SIMC1: variants seen among roughly 807,000 people sequenced by gnomAD.
The protein encoded by SIMC1 is SUMO interacting motifs containing 1.
A neutral mutation model predicts 82.3 loss-of-function variants in SIMC1; 55 were observed. That is an observed-to-expected ratio of 0.67 (90% CI 0.54 to 0.84). SIMC1 has a LOEUF of 0.84. Ranked by LOEUF, SIMC1 falls within the 40% of genes least tolerant of loss-of-function variation. The pLI is 0.00. For synonymous variants in SIMC1, 353 were observed against 426.3 expected, an observed-to-expected ratio of 0.83 and a Z score of 2.12; for missense variants, 915 against 1,107.2, an observed-to-expected ratio of 0.83 and a Z score of 2.46.
chr5:176,263,633 T>A, intron 1 of SIMC1: 1 of 1,182,738 alleles, frequency 8.5e-7, no homozygotes, highest in Non-Finnish European at 1.1e-6. Context: ...TCCCCATGAT[T>A]CCACCAGGTC....
At chr5:176,288,982 TTACAC>T (rs1763425391) in intron 1 of SIMC1, among the ~76,000 whole-genome samples, 2 of 152,366 alleles carry the variant, frequency 1.3e-5, no homozygotes, top group South Asian at 4.1e-4. Context: ...GGGCTCAGAC[TTACAC>T]TATTGGTTTT....
At chr5:176,339,747 G>A (rs1766050129) in intron 9 of SIMC1, among the ~76,000 whole-genome samples, 1 of 152,214 alleles carries the variant, frequency 6.6e-6, no homozygotes, top group Admixed American at 6.5e-5. Context: ...TAAATGGGGT[G>A]TGTTGCAGTG....
At chr5:176,301,778 CAA>C (rs528674679) in intron 4 of SIMC1, among the ~76,000 whole-genome samples, 29 of 98,434 alleles carry the variant, frequency 2.9e-4, no homozygotes, top group Admixed American at 5.2e-4. Flanking sequence ...GACTCTGTCT[CAA>C]AAAAAAAAAA....
intron 5 of SIMC1, among the ~76,000 whole-genome samples, chr5:176,320,347 A>G (rs1328405003): frequency 7.1e-6 from 1 of 141,772 alleles, no homozygotes; most frequent in Middle Eastern, 3.6e-3. Flanking sequence ...TTATTTATTT[A>G]TTTATTTATT....
At chr5:176,312,390 G>A (rs752675821) in intron 4 of SIMC1, among the ~76,000 whole-genome samples, 9 of 152,016 alleles carry the variant, frequency 5.9e-5, no homozygotes, top group Non-Finnish European at 1.0e-4. Flanking sequence ...ACAAAAATTA[G>A]CCAGGCCTGG....
At chr5:176,272,450 T>C (rs953135635) in intron 1 of SIMC1, among the ~76,000 whole-genome samples, 3 of 150,306 alleles carry the variant, frequency 2.0e-5, no homozygotes, top group Non-Finnish European at 4.4e-5. Flanking sequence ...TATATAGAAA[T>C]GTATATCGAA....
chr5:176,309,111 C>T lies in SIMC1; in HGVS notation c.1735-4580C>T. ...GAAAAACTTGGAGGACTCACATTAC[C>T]TGACTTCAAGACTTACTATAAAGCT... On this transcript the variant is annotated intron_variant, in intron 4 of 9. Transcript: ENST00000429602. 7.6e-6 allele frequency: 5 copies of T among 658,728 alleles called. No individual in the cohort carries two copies. The South Asian group carries it at 9.3e-5, about 12-fold the overall frequency. 40.8% of individuals were successfully genotyped at this position (658,728 alleles called of 1,614,324 possible).
At chr5:176,323,640 T>C (rs1267069918) in intron 6 of SIMC1, among the ~76,000 whole-genome samples, 2 of 152,196 alleles carry the variant, frequency 1.3e-5, no homozygotes, top group African/African-American at 4.8e-5. Flanking sequence ...CTGGCCCACC[T>C]GTTGTGTTAC....
chr5:176,299,780 CCATAGA>C (rs151275216), intron 4 of SIMC1, among the ~76,000 whole-genome samples: 2,140 of 152,242 alleles, frequency 0.014, 49 homozygotes, highest in African/African-American at 0.049. Context: ...GGCCACTTAA[CCATAGA>C]CATACACAGA....
chr5:176,297,981 A>T (rs1022058388), intron 4 of SIMC1, among the ~76,000 whole-genome samples: 1 of 152,300 alleles, frequency 6.6e-6, no homozygotes, highest in African/African-American at 2.4e-5. Flanking sequence ...TTTAAATAGG[A>T]ACAATCTGGG....
intron 7 of SIMC1, among the ~76,000 whole-genome samples, chr5:176,326,804 A>G (rs1250346622): frequency 6.6e-6 from 1 of 152,148 alleles, no homozygotes; most frequent in Non-Finnish European, 1.5e-5. Context: ...ACCTCAGGTG[A>G]TCTGCCCACC....
chr5:176,311,491 C>T (rs1013182606), intron 4 of SIMC1, among the ~76,000 whole-genome samples: 1 of 151,984 alleles, frequency 6.6e-6, no homozygotes, highest in South Asian at 2.1e-4. Context: ...GATCCTCCCA[C>T]CTCAGCCTCC....
chr5:176,304,027 G>C (rs917255646), intron 4 of SIMC1, among the ~76,000 whole-genome samples: 1 of 152,048 alleles, frequency 6.6e-6, no homozygotes, highest in Non-Finnish European at 1.5e-5. Context: ...CATAAACACA[G>C]GCAGCAAAAA....
chr5:176,319,551 C>A (rs1352172596), intron 5 of SIMC1, among the ~76,000 whole-genome samples: 1 of 151,990 alleles, frequency 6.6e-6, no homozygotes, highest in Non-Finnish European at 1.5e-5. Flanking sequence ...ATAGGCTGGG[C>A]ACAGTGGCTC....
Position 176,290,177 on chromosome 5 carries a change from C to A in SIMC1, c.653C>A (p.Ala218Asp). 1.2e-6 allele frequency: 2 copies of A among 1,612,022 alleles called. No homozygotes were observed. Among genetic ancestry groups the A allele is most frequent in the African/African-American group, 1.3e-5 (1 of 74,978 alleles). The change falls in exon 2 of 10, where the codon GCC (alanine) becomes GAC (aspartate). Residue 218 changes from alanine to aspartate, a missense_variant. Physicochemically the swap from Ala to Asp is moderately radical, Grantham distance 126 (BLOSUM62 -2). This residue lies in a region of SIMC1 where 902 missense variants were observed against 1,040.3 expected (regional missense o/e 0.87). Coordinates refer to ENST00000429602, the MANE Select transcript of SIMC1 (RefSeq NM_001308195.2). ...PQQDVSRPPQ[A>D]LPCPLRPLPC... is the part of the protein sequence containing the mutation. Reference sequence around the variant, plus strand: ...CAAGATGTATCTCGCCCACCACAGGCCTTGCCGTGCCCCCTGCGACCTTTG... The same window carrying A: ...CAAGATGTATCTCGCCCACCACAGGACTTGCCGTGCCCCCTGCGACCTTTG...
At position 176,290,521 on chromosome 5, in the gene SIMC1, G is replaced by A. The variant is rs773954426; in HGVS notation, c.997G>A (p.Gly333Arg). The A allele has an allele frequency of 8.1e-6, 13 of 1,613,832 alleles. No individual in the cohort carries two copies. The highest frequency in any genetic ancestry group is 2.2e-5 in the East Asian group (1 of 44,892). Residue 333 changes from glycine (G) to arginine (R), a missense_variant, in exon 2 of 10, where the codon GGG becomes AGG. By Grantham distance (125) the Gly-to-Arg change is moderately radical. This residue lies in a region of SIMC1 where 902 missense variants were observed against 1,040.3 expected (regional missense o/e 0.87). Coordinates refer to ENST00000429602, the MANE Select transcript of SIMC1 (RefSeq NM_001308195.2). ...SPSPDAPQSP[G>R]GMPHLPGDVL... Reference sequence around the variant, plus strand: ...GTCACCAGATGCACCACAGTCACCAGGGGGCATGCCACACTTACCGGGAGA... The same window carrying A: ...GTCACCAGATGCACCACAGTCACCAAGGGGCATGCCACACTTACCGGGAGA...
At chr5:176,285,187 AAG>A (rs1367169693) in intron 1 of SIMC1, among the ~76,000 whole-genome samples, 3 of 152,184 alleles carry the variant, frequency 2.0e-5, no homozygotes, top group Non-Finnish European at 4.4e-5. Context: ...ACAACCAAAA[AAG>A]AGAATTTTAG....
Position 176,290,171 on chromosome 5 carries a change from C to A in SIMC1, c.647C>A (p.Pro216Gln), listed in dbSNP as rs777581082. 3.7e-6 allele frequency: 6 copies of A among 1,612,298 alleles called. No individual in the cohort carries two copies. Among genetic ancestry groups the A allele is most frequent in the Middle Eastern group, 1.6e-4 (1 of 6,080 alleles). Residue 216 changes from proline (P) to glutamine (Q), a missense_variant, in exon 2 of 10, where the codon CCA (proline) becomes CAA (glutamine). Pro to Gln is a moderately conservative substitution (Grantham distance 76). This residue lies in a region of SIMC1 where 902 missense variants were observed against 1,040.3 expected (regional missense o/e 0.87). Transcript: ENST00000429602. ...CCACAGCAAGATGTATCTCGCCCAC[C>A]ACAGGCCTTGCCGTGCCCCCTGCGA... Reference protein sequence around the residue: ...PCPQQDVSRPPQALPCPLRPL... With the variant: ...PCPQQDVSRPQQALPCPLRPL...
At chr5:176,335,570 G>A (rs931290233) in intron 7 of SIMC1, among the ~76,000 whole-genome samples, 3 of 149,990 alleles carry the variant, frequency 2.0e-5, no homozygotes, top group African/African-American at 2.4e-5. Context: ...GAGCCACCAC[G>A]CCCGGCCTTG....
Sources: allele counts gnomAD v4.1 joint callset (sites outside exome capture counted in the v4.1 genomes callset), GRCh38; gene constraint gnomAD v4.1.1; regional missense constraint gnomAD v4.1.1; transcripts MANE v1.5; gene names NCBI Gene and HGNC (gene_info 2026-07-23, HGNC 2026-07-21).